Variants in CD200R1L observed in about 807,000 individuals in gnomAD.
CD200R1L encodes the protein cell surface glycoprotein CD200 receptor 2.
A neutral mutation model predicts 24.8 loss-of-function variants in CD200R1L; 14 were observed. The ratio of observed to expected loss-of-function variants is 0.56; its 90% CI spans 0.37 to 0.88. The LOEUF is 0.88. CD200R1L is among the 40% of genes least tolerant of loss of function. The probability of loss-of-function intolerance (pLI) is 0.00; values close to 1 mark genes in which losing one functional copy is unlikely to be tolerated. For missense variants in CD200R1L, 299 were observed against 297.8 expected (o/e 1.00, Z -0.03); for synonymous variants, 111 against 109.2 (o/e 1.02, Z -0.11).
chr3:112,825,667 T>C (rs904588738), intron 6 of CD200R1L, among the ~76,000 whole-genome samples: 10 of 152,108 alleles, frequency 6.6e-5, no homozygotes, highest in African/African-American at 2.4e-4. Flanking sequence ...AGTTAATGTT[T>C]GAGGAAGTCA....
intron 6 of CD200R1L, among the ~76,000 whole-genome samples, chr3:112,821,562 A>G (rs1398720481): frequency 1.3e-5 from 2 of 152,196 alleles, no homozygotes; most frequent in Non-Finnish European, 2.9e-5. Flanking sequence ...TTTCCCCTCC[A>G]GCGCACTTTT....
chr3:112,841,974 T>A (rs2107354263), intron 2 of CD200R1L, among the ~76,000 whole-genome samples: 1 of 152,334 alleles, frequency 6.6e-6, no homozygotes, highest in East Asian at 1.9e-4. Context: ...TAGTTGGGCA[T>A]CCCTTTATCT....
chr3:112,834,824 G>A (rs1938893992), intron 3 of CD200R1L, among the ~76,000 whole-genome samples: 2 of 152,236 alleles, frequency 1.3e-5, no homozygotes, highest in Non-Finnish European at 1.5e-5. Flanking sequence ...GGAGTGGGCA[G>A]CTCCAAGTGC....
At chr3:112,832,821 T>C (rs1198189281) in intron 3 of CD200R1L, among the ~76,000 whole-genome samples, 1 of 152,192 alleles carries the variant, frequency 6.6e-6, no homozygotes, top group East Asian at 1.9e-4. Flanking sequence ...AGAGAGTATA[T>C]AAATATGGTC....
At chr3:112,819,626 C>T (rs1938482821) in intron 7 of CD200R1L, 146 bp downstream of exon 7, 1 of 694,284 alleles carries the variant, frequency 1.4e-6, no homozygotes, top group South Asian at 3.2e-5. Flanking sequence ...GTTAATGATG[C>T]CTTCACATTA....
At chr3:112,837,500 C>A (rs970202861) in intron 3 of CD200R1L, among the ~76,000 whole-genome samples, 8 of 152,160 alleles carry the variant, frequency 5.3e-5, no homozygotes, top group Admixed American at 5.2e-4. Flanking sequence ...TTTTATGTGC[C>A]TTTCTACCCT....
At chr3:112,828,617 A>G (rs1178837093) in intron 4 of CD200R1L, among the ~76,000 whole-genome samples, 2 of 152,184 alleles carry the variant, frequency 1.3e-5, no homozygotes, top group Admixed American at 6.6e-5. Flanking sequence ...AACTTTCCTC[A>G]TAGATTTTAT....
chr3:112,841,292 C>A (rs751383409), intron 2 of CD200R1L: 1 of 451,866 alleles, frequency 2.2e-6, no homozygotes, highest in Admixed American at 2.4e-5. Flanking sequence ...CTTCACATTT[C>A]CACCATGATT....
chr3:112,826,782 G>A (rs544157995), intron 6 of CD200R1L, among the ~76,000 whole-genome samples: 1 of 152,180 alleles, frequency 6.6e-6, no homozygotes, highest in African/African-American at 2.4e-5. Flanking sequence ...CTCAAAGTAA[G>A]GGCCTATAGA....
intron 2 of CD200R1L, among the ~76,000 whole-genome samples, 181 bp from the exon 3 acceptor site, chr3:112,838,191 C>T (rs1010427823): frequency 1.4e-5 from 2 of 146,282 alleles, no homozygotes; most frequent in Non-Finnish European, 1.5e-5. Flanking sequence ...GAGACCATAA[C>T]TAGATAAATG....
intron 2 of CD200R1L, chr3:112,841,191 T>C: frequency 2.6e-6 from 1 of 389,734 alleles, no homozygotes; most frequent in East Asian, 8.4e-5. Context: ...TAGTGCTGTC[T>C]CATGATAGAG....
chr3:112,829,331 T>A lies in CD200R1L; in HGVS notation c.37A>T (p.Ile13Phe), dbSNP rs757399442. 1.9e-6 allele frequency: 3 copies of A among 1,613,918 alleles called. No homozygotes were observed. The highest frequency in any genetic ancestry group is 2.5e-6 in the Non-Finnish European group (3 of 1,179,780). The change falls in exon 4 of 8, where the codon ATT becomes TTT. Residue 13 changes from isoleucine (I) to phenylalanine (F), a missense_variant. Ile to Phe is a conservative substitution (Grantham distance 21, BLOSUM62 0). Transcript: ENST00000488794. ...GGGAGCATATTACCTTCTGCAAAAA[T>A]TGTTGAATAGTTCTGTGTCATCTGC... is the stretch of plus-strand genomic sequence containing the variant. ...GKQMTQNYST[I>F]FAEGNISQPV...
At chr3:112,821,690 G>A (rs1031596753) in intron 6 of CD200R1L, among the ~76,000 whole-genome samples, 1 of 152,094 alleles carries the variant, frequency 6.6e-6, no homozygotes, top group Admixed American at 6.6e-5. Flanking sequence ...GTTTTGATCT[G>A]TGCAAATTGT....
chr3:112,817,391 C>A (rs1177112239), intron 7 of CD200R1L, among the ~76,000 whole-genome samples: 1 of 152,126 alleles, frequency 6.6e-6, no homozygotes. Context: ...CATTTTCCAA[C>A]CTCTGTGGAT....
intron 6 of CD200R1L, among the ~76,000 whole-genome samples, chr3:112,826,499 A>C (rs1205155161): frequency 6.6e-6 from 1 of 152,166 alleles, no homozygotes; most frequent in Non-Finnish European, 1.5e-5. Context: ...TCCTGCCCAA[A>C]ACAATATAAA....
At chr3:112,818,361 G>C (rs1431503942) in intron 7 of CD200R1L, among the ~76,000 whole-genome samples, 1 of 152,160 alleles carries the variant, frequency 6.6e-6, no homozygotes, top group Non-Finnish European at 1.5e-5. Context: ...TGAGACATTA[G>C]AACTCTAAAA....
intron 6 of CD200R1L, among the ~76,000 whole-genome samples, chr3:112,825,082 C>G (rs1271286213): frequency 1.3e-5 from 2 of 151,594 alleles, no homozygotes; most frequent in South Asian, 4.2e-4. Context: ...CAAAAAAATA[C>G]AAAAAAATTA....
At chr3:112,818,875 G>C (rs1466077966) in intron 7 of CD200R1L, 1 of 154,386 alleles carries the variant, frequency 6.5e-6, no homozygotes, top group Non-Finnish European at 1.5e-5. Flanking sequence ...CTAAGAGTCT[G>C]AAACAGATCT....
chr3:112,816,304 T>C (rs1483855781), intron 7 of CD200R1L, among the ~76,000 whole-genome samples: 2 of 151,982 alleles, frequency 1.3e-5, no homozygotes. Flanking sequence ...AACAGAGAGG[T>C]AGGGATGGGA....
Sources: gnomAD v4.1 joint callset for allele counts (sites outside exome capture counted in the v4.1 genomes callset) on GRCh38, gnomAD v4.1.1 for gene constraint, MANE v1.5 for transcripts, NCBI Gene and HGNC (gene_info 2026-07-23, HGNC 2026-07-21) for gene names.